The following CD44 variants were observed in gnomAD, a reference collection of about 807,000 sequenced individuals.
CD44 encodes the protein CD44 antigen.
In CD44, 49 loss-of-function variants were observed where a neutral mutation model predicts 88.8. That is an observed-to-expected ratio of 0.55 (90% CI 0.44 to 0.70). The LOEUF is 0.70. Among genes scored for constraint, CD44 ranks in the 30% least tolerant of loss-of-function variants. The probability of loss-of-function intolerance (pLI) is 0.00; values close to 1 mark genes in which losing one functional copy is unlikely to be tolerated. For synonymous variants in CD44, 325 were observed against 312.3 expected (o/e 1.04, Z -0.43); for missense variants, 883 against 913.8 (o/e 0.97, Z 0.43).
At chr11:35,167,213 T>G (rs147207286) in intron 1 of CD44, among the ~76,000 whole-genome samples, 1 of 152,290 alleles carries the variant, frequency 6.6e-6, no homozygotes, top group East Asian at 1.9e-4. Context: ...ACAGCACTGG[T>G]GTAGGAGTCA....
At chr11:35,142,696 G>A (rs920680745) in intron 1 of CD44, among the ~76,000 whole-genome samples, 1 of 152,218 alleles carries the variant, frequency 6.6e-6, no homozygotes, top group Non-Finnish European at 1.5e-5. Flanking sequence ...TGCTGCAAAG[G>A]CATGGTGACA....
chr11:35,221,593 T>G (rs1294140864), intron 16 of CD44, 61 bp from the exon 17 acceptor site: 2 of 1,440,086 alleles, frequency 1.4e-6, no homozygotes, highest in African/African-American at 1.4e-5. Flanking sequence ...TAAAGTGCAT[T>G]TTTGTTTTTA....
Position 35,196,889 on chromosome 11 carries a change from T to C in CD44, c.796+15T>C. 2 of 1,611,562 alleles carry C rather than the reference T, an allele frequency of 1.2e-6. No homozygotes were observed. The highest frequency in any genetic ancestry group is 1.7e-6 in the Non-Finnish European group (2 of 1,178,222). On this transcript the variant is annotated intron_variant, in intron 6 of 17. Coordinates refer to ENST00000428726, the MANE Select transcript of CD44 (RefSeq NM_000610.4). ...ACAAATGGCTGGTAATGAGTTATTA[T>C]TATCTCATAGCGTATGTTTTCTTGA...
chr11:35,193,286 A>C (rs1946447763), intron 5 of CD44, among the ~76,000 whole-genome samples: 1 of 152,220 alleles, frequency 6.6e-6, no homozygotes, highest in Non-Finnish European at 1.5e-5. Flanking sequence ...GTTTTAAGAA[A>C]GTTTATGAAT....
intron 1 of CD44, among the ~76,000 whole-genome samples, chr11:35,155,279 T>A (rs1039532032): frequency 1.3e-5 from 2 of 152,230 alleles, no homozygotes; most frequent in Non-Finnish European, 2.9e-5. Flanking sequence ...ATTCAGGGTT[T>A]CTGAATAAAA....
chr11:35,143,829 C>G lies in CD44; in HGVS notation c.67+4459C>G, dbSNP rs370680245. Among the ~76,000 whole-genome samples the G allele has an allele frequency of 9.9e-5, 15 of 152,170 alleles. No homozygotes were observed. The East Asian group carries it at 1.3e-3, about 14-fold the overall frequency. On this transcript the variant is annotated intron_variant, in intron 1 of 17. Coordinates refer to ENST00000428726, the MANE Select transcript of CD44 (RefSeq NM_000610.4). ...CCCTTATCAGAGTCCAGCTGCCCTC[C>G]CAGATATGCTCTGATTTACAGGCTT...
At chr11:35,172,895 A>G (rs1345049577) in intron 1 of CD44, among the ~76,000 whole-genome samples, 1 of 151,888 alleles carries the variant, frequency 6.6e-6, no homozygotes, top group Non-Finnish European at 1.5e-5. Flanking sequence ...CATAGCACGT[A>G]TTTTTCATGG....
intron 7 of CD44, 94 bp downstream of exon 7, chr11:35,198,340 T>TGG: frequency 8.6e-7 from 1 of 1,158,506 alleles, no homozygotes; most frequent in Admixed American, 2.1e-5. Flanking sequence ...AAGTAGTTAA[T>TGG]GTGAAAAATG....
chr11:35,189,824 C>T lies in CD44; in HGVS notation c.437-11C>T. 2 of 1,582,906 alleles carry T rather than the reference C, an allele frequency of 1.3e-6. No homozygotes were observed. Among genetic ancestry groups the T allele is most frequent in the Non-Finnish European group, 1.7e-6 (2 of 1,153,456 alleles). On this transcript the variant is annotated splice_polypyrimidine_tract_variant and intron_variant, in intron 4 of 17. Coordinates refer to ENST00000428726, the MANE Select transcript of CD44 (RefSeq NM_000610.4). Reference sequence around the variant, plus strand: ...CTGTGAAGTTCTGTAAGTACCTTTTCTCTCTCCCAGCTATTGTTAACCGTG... The same window carrying T: ...CTGTGAAGTTCTGTAAGTACCTTTTTTCTCTCCCAGCTATTGTTAACCGTG...
chr11:35,152,291 C>T (rs531168036), intron 1 of CD44, among the ~76,000 whole-genome samples: 3 of 152,274 alleles, frequency 2.0e-5, no homozygotes, highest in East Asian at 1.9e-4. Context: ...TCCCACTACT[C>T]ATCCCCAAGG....
At chr11:35,156,858 C>T (rs577765255) in intron 1 of CD44, among the ~76,000 whole-genome samples, 136 of 152,208 alleles carry the variant, frequency 8.9e-4, no homozygotes, top group African/African-American at 3.0e-3. Flanking sequence ...ATAGTGAGAC[C>T]CTGTCTCTAC....
intron 12 of CD44, among the ~76,000 whole-genome samples, chr11:35,209,665 G>A (rs974862648): frequency 1.3e-5 from 2 of 152,170 alleles, no homozygotes; most frequent in Non-Finnish European, 2.9e-5. Context: ...GTGACTGGGA[G>A]CAATGCTGCA....
Position 35,192,897 on chromosome 11 carries a change from A to T in CD44, c.667+2832A>T, listed in dbSNP as rs771600135. ...TTTTTCCATTTTTCCCCCTCATACC[A>T]CTCCTTTCAGGAAGACAAAAATAAC... On this transcript the variant is annotated intron_variant, in intron 5 of 17. Coordinates refer to ENST00000428726, the MANE Select transcript of CD44 (RefSeq NM_000610.4). Among the ~76,000 whole-genome samples, 48 of 141,216 alleles carry T rather than the reference A, an allele frequency of 3.4e-4. 1 individual carries two copies. The highest frequency in any genetic ancestry group is 1.1e-4 in the Non-Finnish European group (7 of 65,838). The allele number at this position is 141,216 out of a possible 152,430, so 92.6% of individuals were successfully genotyped here.
At chr11:35,179,631 T>C (rs1320603812) in intron 2 of CD44, among the ~76,000 whole-genome samples, 1 of 152,212 alleles carries the variant, frequency 6.6e-6, no homozygotes, top group African/African-American at 2.4e-5. Context: ...ATTGTAATGA[T>C]GGTTAATTTA....
Position 35,229,497 on chromosome 11 carries a change from T to C in CD44, c.*164T>C. ...GTTTTTTGTGTTTTGTTCTTTAAAG[T>C]CAGGTCCAATTTGTAAAAACAGCAT... On this transcript the variant is annotated 3_prime_UTR_variant, in exon 18 of 18. Transcript: ENST00000428726. 1 of 578,620 alleles carries C rather than the reference T, an allele frequency of 1.7e-6. No individual in the cohort carries two copies. Among genetic ancestry groups the C allele is most frequent in the Non-Finnish European group, 3.1e-6 (1 of 327,206 alleles). 35.8% of individuals were successfully genotyped at this position (578,620 alleles called of 1,614,324 possible).
intron 17 of CD44, among the ~76,000 whole-genome samples, chr11:35,227,601 C>T (rs899995733): frequency 1.3e-5 from 2 of 152,212 alleles, no homozygotes; most frequent in South Asian, 4.1e-4. Context: ...AAGCCTTATG[C>T]TAGAGGAGAC....
chr11:35,221,683 G>T lies in CD44; in HGVS notation c.1975G>T (p.Ala659Ser). 9 of 1,614,090 alleles carry T rather than the reference G, an allele frequency of 5.6e-6. No individual in the cohort carries two copies. The highest frequency in any genetic ancestry group is 7.6e-6 in the Non-Finnish European group (9 of 1,179,944). The change falls in exon 17 of 18, where the codon GCC (alanine) becomes TCC (serine). Residue 659 changes from alanine (A) to serine (S), a missense_variant. Transcript: ENST00000428726. ...EWLIILASLLALALILAVCIA... is the reference protein window; with the variant it reads ...EWLIILASLLSLALILAVCIA... ...GCTGATCATCTTGGCATCCCTCTTG[G>T]CCTTGGCTTTGATTCTTGCAGTTTG...
intron 2 of CD44, 73 bp downstream of exon 2, chr11:35,176,813 G>A (rs1944512139): frequency 4.2e-6 from 6 of 1,435,880 alleles, no homozygotes; most frequent in Non-Finnish European, 5.7e-6. Flanking sequence ...AGAACTGGAA[G>A]GCTCCTTTCC....
intron 1 of CD44, among the ~76,000 whole-genome samples, chr11:35,140,723 A>G (rs925880889): frequency 6.6e-5 from 10 of 152,106 alleles, no homozygotes; most frequent in African/African-American, 2.2e-4. Flanking sequence ...AATAATAATA[A>G]TGATAGCAAC....
Sources: allele counts gnomAD v4.1 joint callset (sites outside exome capture counted in the v4.1 genomes callset), GRCh38; gene constraint gnomAD v4.1.1; transcripts MANE v1.5; gene names NCBI Gene and HGNC (gene_info 2026-07-23, HGNC 2026-07-21).